The following BIRC6 variants were observed in gnomAD, a reference collection of about 807,000 sequenced individuals.
The protein encoded by BIRC6 is dual E2 ubiquitin-conjugating enzyme/E3 ubiquitin-protein ligase BIRC6.
Under a neutral mutation model 503.3 loss-of-function variants are expected in BIRC6, and 98 were observed. That is an observed-to-expected ratio of 0.19 (90% confidence interval 0.17 to 0.23). The LOEUF (loss-of-function observed/expected upper bound fraction) is 0.23. BIRC6 is among the 10% of genes least tolerant of loss of function. The pLI is 1.00. For synonymous variants in BIRC6, 2,240 were observed against 2,078.7 expected, an observed-to-expected ratio of 1.08 and a Z score of -2.11; for missense variants, 5,360 against 5,806.0, an observed-to-expected ratio of 0.92 and a Z score of 2.50.
chr2:32,478,285 C>G lies in BIRC6; in HGVS notation c.7069-350C>G, dbSNP rs545079829. 5.9e-5 allele frequency among the ~76,000 whole-genome samples: 9 copies of G among 152,110 alleles called. No homozygotes were observed. In the South Asian group the frequency reaches 1.7e-3, roughly 28 times the overall value. Reference sequence around the variant, plus strand: ...CTGGGGGCGATGAGGTTGCAGTGAGCTGAAATCGCGCCACTTCACACCAGC... The same window carrying G: ...CTGGGGGCGATGAGGTTGCAGTGAGGTGAAATCGCGCCACTTCACACCAGC... On this transcript the variant is annotated intron_variant, in intron 35 of 73. Transcript: ENST00000421745.
intron 8 of BIRC6, among the ~76,000 whole-genome samples, chr2:32,402,845 G>A (rs572077546): frequency 1.3e-5 from 2 of 152,226 alleles, no homozygotes; most frequent in East Asian, 1.9e-4. Flanking sequence ...TTGAAGTTTT[G>A]TAATTTGGGG....
In BIRC6 at chr2:32,530,264, G is replaced by T. The variant is rs536570928; in HGVS notation, c.12094+440G>T. 2.0e-5 allele frequency among the ~76,000 whole-genome samples: 3 copies of T among 152,114 alleles called. No homozygotes were observed. In the East Asian group the frequency reaches 5.8e-4, roughly 29 times the overall value. On this transcript the variant is annotated intron_variant, in intron 60 of 73. Coordinates refer to ENST00000421745, the MANE Select transcript of BIRC6 (RefSeq NM_016252.4). Reference sequence around the variant, plus strand: ...CTTTTTCTGTCTCCCAGGTCGGAGTGCAGAGGCACGATCTTAGTTCACTGC... The same window carrying T: ...CTTTTTCTGTCTCCCAGGTCGGAGTTCAGAGGCACGATCTTAGTTCACTGC...
chr2:32,408,053 C>T (rs537859593), intron 9 of BIRC6, among the ~76,000 whole-genome samples: 4 of 152,020 alleles, frequency 2.6e-5, no homozygotes, highest in East Asian at 1.9e-4. Flanking sequence ...CTGCAACATC[C>T]GCCTCCCGAG....
At chr2:32,418,508 A>T (rs1407719851) in intron 10 of BIRC6, among the ~76,000 whole-genome samples, 1 of 152,230 alleles carries the variant, frequency 6.6e-6, no homozygotes, top group Non-Finnish European at 1.5e-5. Context: ...ACAACAAAAG[A>T]TGAAGAATCT....
In BIRC6 at chr2:32,490,151, T is replaced by G. The variant is rs773316132; in HGVS notation, c.8206T>G (p.Ser2736Ala). 7 of 1,586,464 alleles carry G rather than the reference T, an allele frequency of 4.4e-6. No individual in the cohort carries two copies. The highest frequency in any genetic ancestry group is 4.3e-6 in the Non-Finnish European group (5 of 1,155,146). ...ACTCATGACAAACATGCAGCTTAAT[T>G]GTAAGTTCATAAATTTATTCATTTA... ...LTLMTNMQLN[S>A]GSSSAIGTQE... The change falls in exon 43 of 74, where the codon TCT (serine) becomes GCT (alanine). Residue 2736 changes from serine (S) to alanine (A), a missense_variant and splice_region_variant. Ser to Ala is a moderately conservative substitution (Grantham distance 99). Around this residue, in one of 16 missense-constraint regions of BIRC6, gnomAD observed 2,299 missense variants for 2,267.2 expected, o/e 1.01. Coordinates refer to ENST00000421745, the MANE Select transcript of BIRC6 (RefSeq NM_016252.4).
At chr2:32,565,014 G>A (rs549479681) in intron 65 of BIRC6, 1 of 152,150 alleles carries the variant, frequency 6.6e-6, no homozygotes, top group Non-Finnish European at 1.5e-5. Context: ...TTGAATAAAC[G>A]TTTCTTCATT....
chr2:32,439,553 C>T lies in BIRC6; in HGVS notation c.3677C>T (p.Ala1226Val), dbSNP rs766338571. 2 of 1,613,746 alleles carry T rather than the reference C, an allele frequency of 1.2e-6. No individual in the cohort carries two copies. Among genetic ancestry groups the T allele is most frequent in the South Asian group, 2.2e-5 (2 of 91,060 alleles). Residue 1226 changes from alanine to valine, a missense_variant, in exon 16 of 74, where the codon GCA becomes GTA. By Grantham distance (64) the Ala-to-Val change is moderately conservative. Coordinates refer to ENST00000421745, the MANE Select transcript of BIRC6 (RefSeq NM_016252.4). ...CGTTCGTTTTTAATCCATGTCAAGG[C>T]AGTGAATGAAAGAGGAACAGAAGAG... is the stretch of plus-strand genomic sequence containing the variant. ...KYRSFLIHVK[A>V]VNERGTEEIC... is the part of the protein sequence containing the mutation.
intron 65 of BIRC6, 93 bp from the exon 66 acceptor site, chr2:32,575,063 C>A: frequency 7.2e-7 from 1 of 1,380,238 alleles, no homozygotes; most frequent in African/African-American, 1.4e-5. Flanking sequence ...AGCTGTGGAC[C>A]TTGGTAAGAT....
chr2:32,476,288 G>T lies in BIRC6; in HGVS notation c.6796G>T (p.Gly2266Ter). 6.4e-7 allele frequency: 1 copy of T among 1,567,934 alleles called. No homozygotes were observed. The highest frequency in any genetic ancestry group is 1.9e-5 in the Admixed American group (1 of 53,182). Residue 2266 changes from glycine (G) to a stop codon, truncating the protein, a stop_gained, in exon 34 of 74, where the codon GGA becomes TGA. Coordinates refer to ENST00000421745, the MANE Select transcript of BIRC6 (RefSeq NM_016252.4). LOFTEE classifies it high-confidence loss of function. ...AAAAGAAAAAATACAAAGTAACAAA[G>T]GATCATCATATAAACTCCTGGTAGA... ...MEKEKIQSNK[G>*]SSYKLLVEQA...
chr2:32,373,977 A>G (rs1451309303), intron 1 of BIRC6, among the ~76,000 whole-genome samples: 1 of 152,216 alleles, frequency 6.6e-6, no homozygotes, highest in Non-Finnish European at 1.5e-5. Context: ...GATTCCTTCC[A>G]TTCATGTGAG....
chr2:32,434,991 C>G (rs1375144587), intron 13 of BIRC6, among the ~76,000 whole-genome samples: 1 of 152,148 alleles, frequency 6.6e-6, no homozygotes, highest in Non-Finnish European at 1.5e-5. Flanking sequence ...ATATAAGGGA[C>G]TGGAACATCT....
rs1258242981 is a variant in BIRC6 at position 32,464,795 on chromosome 2, A to C, written c.5228A>C (p.His1743Pro). The C allele has an allele frequency of 1.9e-6, 3 of 1,611,356 alleles. No homozygotes were observed. The highest frequency in any genetic ancestry group is 2.5e-6 in the Non-Finnish European group (3 of 1,178,066). ...CCCCCAGCAGTCAATCTTGCTGCAC[A>C]TAACAAAAATTCCAACAAGTCCAGA... Reference protein sequence around the residue: ...IDPPAVNLAAHNKNSNKSRMN... With the variant: ...IDPPAVNLAAPNKNSNKSRMN... The change falls in exon 25 of 74, where the codon CAT becomes CCT. Residue 1743 changes from histidine to proline, a missense_variant. Physicochemically the swap from His to Pro is moderately conservative, Grantham distance 77. Transcript: ENST00000421745.
At chr2:32,553,433 G>T (rs960349670) in intron 65 of BIRC6, among the ~76,000 whole-genome samples, 1 of 151,448 alleles carries the variant, frequency 6.6e-6, no homozygotes, top group African/African-American at 2.4e-5. Flanking sequence ...TGTCGCCCAG[G>T]CTGGAGTGCA....
chr2:32,365,651 G>T (rs1034783004), intron 1 of BIRC6, among the ~76,000 whole-genome samples: 1 of 151,830 alleles, frequency 6.6e-6, no homozygotes, highest in Non-Finnish European at 1.5e-5. Context: ...AAATTATATA[G>T]TTCAGTTCAA....
intron 1 of BIRC6, among the ~76,000 whole-genome samples, chr2:32,366,673 C>T (rs1027173711): frequency 2.0e-5 from 3 of 152,112 alleles, no homozygotes; most frequent in Admixed American, 6.6e-5. Flanking sequence ...AAAAGGGTGC[C>T]TTTGGCAAGA....
At position 32,575,352 on chromosome 2, in the gene BIRC6, T is replaced by C. The variant is rs752455248; in HGVS notation, c.13341T>C (p.Tyr4447=). 3.1e-6 allele frequency: 5 copies of C among 1,613,778 alleles called. No homozygotes were observed. In the South Asian group the frequency reaches 5.5e-5, roughly 18 times the overall value. The part of the protein sequence containing the change: ...LAKMKTCVDT[Y]TNRLRSKREN... Reference sequence around the variant, plus strand: ...AAATGAAGACCTGTGTTGATACCTATACCAACCGTTTAAGGTACTATATAC... The same window carrying C: ...AAATGAAGACCTGTGTTGATACCTACACCAACCGTTTAAGGTACTATATAC... Residue 4447 remains tyrosine, a synonymous_variant, in exon 66 of 74, where the codon TAT becomes TAC. Coordinates refer to ENST00000421745, the MANE Select transcript of BIRC6 (RefSeq NM_016252.4).
At chr2:32,469,675 G>A (rs1203421324) in intron 30 of BIRC6, 61 bp downstream of exon 30, 1 of 1,400,374 alleles carries the variant, frequency 7.1e-7, no homozygotes, top group African/African-American at 1.4e-5. Flanking sequence ...ACAGTTACTG[G>A]TTAGCTTTTG....
In BIRC6 at chr2:32,473,106, C is replaced by T. The variant is rs2049291544; in HGVS notation, c.6593-6C>T. 3.8e-6 allele frequency: 6 copies of T among 1,566,198 alleles called. No homozygotes were observed. The highest frequency in any genetic ancestry group is 5.2e-6 in the Non-Finnish European group (6 of 1,157,076). On this transcript the variant is annotated splice_polypyrimidine_tract_variant and splice_region_variant and intron_variant, in intron 32 of 73. Transcript: ENST00000421745. ...ATTATTAATACAAGTTTTCCTTCGC[C>T]TGTAGGTAATCAGTGGAGTTTTATT...
chr2:32,428,299 A>T (rs1401145596), intron 10 of BIRC6, among the ~76,000 whole-genome samples: 2 of 152,228 alleles, frequency 1.3e-5, no homozygotes, highest in African/African-American at 2.4e-5. Flanking sequence ...TGCTTCTCTC[A>T]CTACATGTAA....
Sources: gnomAD v4.1 joint callset for allele counts (sites outside exome capture counted in the v4.1 genomes callset) on GRCh38, gnomAD v4.1.1 for gene constraint, gnomAD v4.1.1 regional missense constraint, MANE v1.5 for transcripts, NCBI Gene and HGNC (gene_info 2026-07-23, HGNC 2026-07-21) for gene names.